Variants in DOCK2 observed in about 807,000 individuals in gnomAD.
DOCK2 encodes dedicator of cytokinesis 2.
DOCK2 carries 87 observed loss-of-function variants against 248.9 expected under a neutral mutation model. The observed-to-expected ratio is 0.35, with a 90% CI of 0.29 to 0.42. DOCK2 has a LOEUF of 0.42. Among genes scored for constraint, DOCK2 ranks in the 10% least tolerant of loss-of-function variants. The pLI is 1.00. For synonymous variants in DOCK2, 805 were observed against 821.6 expected, an observed-to-expected ratio of 0.98 and a Z score of 0.35; for missense variants, 1,747 against 2,300.2, an observed-to-expected ratio of 0.76 and a Z score of 4.92.
chr5:169,679,986 T>C (rs1354946114), intron 6 of DOCK2, among the ~76,000 whole-genome samples: 1 of 152,148 alleles, frequency 6.6e-6, no homozygotes, highest in East Asian at 1.9e-4. Flanking sequence ...CTACCTTCTT[T>C]GTATGGACAA....
chr5:169,998,804 T>C (rs902579307), intron 30 of DOCK2, among the ~76,000 whole-genome samples: 6 of 152,312 alleles, frequency 3.9e-5, no homozygotes, highest in African/African-American at 1.4e-4. Context: ...GAGTTTCTCC[T>C]GGCATTATAA....
intron 1 of DOCK2, among the ~76,000 whole-genome samples, chr5:169,640,623 G>A (rs1455197422): frequency 6.6e-6 from 1 of 152,204 alleles, no homozygotes; most frequent in East Asian, 1.9e-4. Context: ...GCCTCCAAGG[G>A]CAGCAAACTG....
At chr5:169,738,309 A>G (rs1167232890) in intron 22 of DOCK2, among the ~76,000 whole-genome samples, 1 of 152,214 alleles carries the variant, frequency 6.6e-6, no homozygotes, top group African/African-American at 2.4e-5. Flanking sequence ...CTGGATTGAA[A>G]GAAAATAAGA....
At chr5:169,872,651 C>T (rs1265826265) in intron 27 of DOCK2, among the ~76,000 whole-genome samples, 1 of 152,092 alleles carries the variant, frequency 6.6e-6, no homozygotes, top group East Asian at 1.9e-4. Context: ...TGACTCTGTG[C>T]CAGTAAGATC....
chr5:169,950,712 C>T (rs937555395), intron 27 of DOCK2, among the ~76,000 whole-genome samples: 2 of 152,198 alleles, frequency 1.3e-5, no homozygotes, highest in Non-Finnish European at 2.9e-5. Context: ...TTCCTGGTAA[C>T]AGCCACATTC....
At chr5:169,975,659 A>C (rs888808497) in intron 27 of DOCK2, among the ~76,000 whole-genome samples, 1 of 152,208 alleles carries the variant, frequency 6.6e-6, no homozygotes, top group Non-Finnish European at 1.5e-5. Context: ...ACTATGATCC[A>C]TCCTATTGAA....
At chr5:169,651,376 T>C (rs1298438203) in intron 1 of DOCK2, among the ~76,000 whole-genome samples, 1 of 152,182 alleles carries the variant, frequency 6.6e-6, no homozygotes, top group Non-Finnish European at 1.5e-5. Context: ...TCAAGATCTG[T>C]CCAGGACATC....
intron 27 of DOCK2, chr5:169,883,196 G>A (rs1474254104): frequency 6.4e-7 from 1 of 1,551,612 alleles, no homozygotes; most frequent in Non-Finnish European, 8.7e-7. Flanking sequence ...TCATCCAAAG[G>A]GTGTATGGAG....
At chr5:170,042,716 C>A (rs984491486) in intron 38 of DOCK2, among the ~76,000 whole-genome samples, 1 of 152,198 alleles carries the variant, frequency 6.6e-6, no homozygotes, top group African/African-American at 2.4e-5. Flanking sequence ...CTTCCCTGAC[C>A]ACCACTAGGC....
intron 27 of DOCK2, 82 bp from the exon 28 acceptor site, chr5:169,982,986 C>T: frequency 7.5e-7 from 1 of 1,339,156 alleles, no homozygotes; most frequent in Non-Finnish European, 1.1e-6. Flanking sequence ...GATGAATGAG[C>T]CATAAGGAGA....
intron 27 of DOCK2, among the ~76,000 whole-genome samples, chr5:169,887,319 A>G (rs1046092436): frequency 6.6e-6 from 1 of 152,216 alleles, no homozygotes; most frequent in Non-Finnish European, 1.5e-5. Context: ...TTATAAAGAT[A>G]TTATTTGTTC....
chr5:170,004,003 C>T (rs963434131), intron 30 of DOCK2, among the ~76,000 whole-genome samples: 2 of 152,192 alleles, frequency 1.3e-5, no homozygotes, highest in Non-Finnish European at 2.9e-5. Flanking sequence ...ACAGCTACAG[C>T]CTCATGGCTC....
chr5:169,710,767 AC>A (rs1189607325), intron 15 of DOCK2, among the ~76,000 whole-genome samples: 2 of 152,122 alleles, frequency 1.3e-5, no homozygotes, highest in Non-Finnish European at 2.9e-5. Flanking sequence ...GTCTCCCCAT[AC>A]CCAATGCCTT....
intron 27 of DOCK2, among the ~76,000 whole-genome samples, chr5:169,847,340 C>T (rs1258388051): frequency 6.6e-6 from 1 of 152,196 alleles, no homozygotes; most frequent in Admixed American, 6.5e-5. Flanking sequence ...CTTTTCCCAA[C>T]ATTCATGCCA....
chr5:169,697,527 T>C (rs967819437), intron 10 of DOCK2, among the ~76,000 whole-genome samples: 1 of 152,174 alleles, frequency 6.6e-6, no homozygotes, highest in African/African-American at 2.4e-5. Flanking sequence ...GTCCTATGAA[T>C]AACTTTGGAG....
At chr5:169,871,654 CAT>C (rs1490537771) in intron 27 of DOCK2, among the ~76,000 whole-genome samples, 1 of 152,158 alleles carries the variant, frequency 6.6e-6, no homozygotes, top group Non-Finnish European at 1.5e-5. Flanking sequence ...ACTGAAATAA[CAT>C]AGTAATCTGC....
chr5:169,921,902 G>A (rs1775195920), intron 27 of DOCK2, among the ~76,000 whole-genome samples: 1 of 152,172 alleles, frequency 6.6e-6, no homozygotes, highest in African/African-American at 2.4e-5. Context: ...TACTGTGATA[G>A]CCCCTTGACA....
At chr5:169,678,479 G>A (rs1215581784) in intron 6 of DOCK2, among the ~76,000 whole-genome samples, 2 of 152,028 alleles carry the variant, frequency 1.3e-5, no homozygotes, top group Admixed American at 1.3e-4. Flanking sequence ...CTACCAGGCT[G>A]GTCTTGAACT....
chr5:170,048,246 G>A (rs1756785152), intron 40 of DOCK2, among the ~76,000 whole-genome samples: 1 of 151,922 alleles, frequency 6.6e-6, no homozygotes, highest in Non-Finnish European at 1.5e-5. Flanking sequence ...ACAAAAATTA[G>A]CTGGGCGTGG....
Sources: allele counts gnomAD v4.1 joint callset (sites outside exome capture counted in the v4.1 genomes callset), GRCh38; gene constraint gnomAD v4.1.1; transcripts MANE v1.5; gene names NCBI Gene and HGNC (gene_info 2026-07-23, HGNC 2026-07-21).